Variants in SLC44A5 observed in about 807,000 individuals in gnomAD.
The protein encoded by SLC44A5 is solute carrier family 44 member 5.
In SLC44A5, 57 loss-of-function variants were observed where a neutral mutation model predicts 101.8. The ratio of observed to expected loss-of-function variants is 0.56; its 90% CI spans 0.45 to 0.70. The LOEUF (loss-of-function observed/expected upper bound fraction) is 0.70, where lower values mean the gene tolerates loss of function less well. Among genes scored for constraint, SLC44A5 ranks in the 30% least tolerant of loss-of-function variants. The pLI is 0.00. For synonymous variants in SLC44A5, 281 were observed against 290.9 expected (o/e 0.97, Z 0.35); for missense variants, 737 against 853.1 (o/e 0.86, Z 1.70).
Position 75,203,760 on chromosome 1 carries a change from GA to G in SLC44A5, c.2120del (p.Phe707SerfsTer79). The G allele has an allele frequency of 6.5e-7, 1 of 1,549,546 alleles. No individual in the cohort carries two copies. The highest frequency in any genetic ancestry group is 8.7e-7 in the Non-Finnish European group (1 of 1,146,004). The stretch of plus-strand genomic sequence containing the variant: ...TCCTAGTTTGTGGATTTTCCTCCTG[GA>G]AAATCTTCAGCAAAGGTTGACTCAC... ...YYVSQPLLKI[F>X]QEENPQTRKQ On this transcript the variant is annotated frameshift_variant, in exon 24 of 24. Coordinates refer to ENST00000370859, the MANE Select transcript of SLC44A5 (RefSeq NM_001130058.2). LOFTEE classifies it low-confidence loss of function (END_TRUNC).
At chr1:75,478,822 G>A (rs1396190827) in intron 2 of SLC44A5, among the ~76,000 whole-genome samples, 1 of 152,118 alleles carries the variant, frequency 6.6e-6, no homozygotes, top group African/African-American at 2.4e-5. Flanking sequence ...ACACCCCACT[G>A]TCAACATTAG....
At chr1:75,671,222 G>T in the SLC44A5 span, among the ~76,000 whole-genome samples, 1 of 152,078 alleles carries the variant, frequency 6.6e-6, no homozygotes, top group Non-Finnish European at 1.5e-5. Context: ...TTAACCTGTG[G>T]GAGCTCCATA....
intron 6 of SLC44A5, among the ~76,000 whole-genome samples, chr1:75,261,249 T>C (rs1217615412): frequency 6.6e-6 from 1 of 151,734 alleles, no homozygotes; most frequent in Non-Finnish European, 1.5e-5. Context: ...TTTTTTGAAA[T>C]GATGAACAAA....
intron 6 of SLC44A5, among the ~76,000 whole-genome samples, chr1:75,262,940 T>A (rs1444579181): frequency 6.6e-6 from 1 of 152,196 alleles, no homozygotes; most frequent in Non-Finnish European, 1.5e-5. Flanking sequence ...TGCAGAAAGC[T>A]GAAACTGGAT....
intron 1 of SLC44A5, among the ~76,000 whole-genome samples, chr1:75,586,937 T>A (rs982017165): frequency 6.6e-6 from 1 of 151,926 alleles, no homozygotes; most frequent in Non-Finnish European, 1.5e-5. Flanking sequence ...GATAACTCCA[T>A]GGGAAACTCT....
In SLC44A5 at chr1:75,573,510, T is replaced by C. The variant is rs1015270655; in HGVS notation, c.-69-31994A>G. On this transcript the variant is annotated intron_variant, in intron 1 of 23. Coordinates refer to ENST00000370859, the MANE Select transcript of SLC44A5 (RefSeq NM_001130058.2). ...TTTTTAACCACATAAATTTGTTATT[T>C]AAATAAAATTGCATGTTTATCAATG... 3.3e-5 allele frequency among the ~76,000 whole-genome samples: 5 copies of C among 152,336 alleles called. No individual in the cohort carries two copies. In the South Asian group the frequency reaches 8.3e-4, roughly 25 times the overall value.
At chr1:75,273,069 G>A (rs547281476) in intron 6 of SLC44A5, among the ~76,000 whole-genome samples, 30 of 151,314 alleles carry the variant, frequency 2.0e-4, no homozygotes, top group South Asian at 8.4e-4. Flanking sequence ...GCAGTGTTTC[G>A]TAGTTTTCCT....
At chr1:75,307,760 C>T (rs758428115) in intron 4 of SLC44A5, among the ~76,000 whole-genome samples, 1 of 152,098 alleles carries the variant, frequency 6.6e-6, no homozygotes, top group African/African-American at 2.4e-5. Context: ...TTGTTCTGTT[C>T]CCCAATCCAC....
chr1:75,326,119 T>C (rs1401328030), intron 4 of SLC44A5, among the ~76,000 whole-genome samples: 1 of 150,652 alleles, frequency 6.6e-6, no homozygotes, highest in Non-Finnish European at 1.5e-5. Flanking sequence ...TGTGTGTGTG[T>C]GTGTGTATAA....
At chr1:75,496,803 A>G (rs1459051761) in intron 2 of SLC44A5, among the ~76,000 whole-genome samples, 1 of 152,094 alleles carries the variant, frequency 6.6e-6, no homozygotes, top group African/African-American at 2.4e-5. Context: ...AAATAGCCCA[A>G]TTAAAAATAT....
At chr1:75,364,769 T>C (rs901403898) in intron 3 of SLC44A5, among the ~76,000 whole-genome samples, 6 of 152,190 alleles carry the variant, frequency 3.9e-5, no homozygotes, top group Non-Finnish European at 7.4e-5. Context: ...TTCTTCATTC[T>C]TTTTTATTCT....
intron 2 of SLC44A5, among the ~76,000 whole-genome samples, chr1:75,525,126 G>A (rs1219018611): frequency 3.3e-5 from 5 of 152,056 alleles, no homozygotes; most frequent in Admixed American, 1.3e-4. Flanking sequence ...GGCAAAGATC[G>A]TCAATGCATT....
intron 3 of SLC44A5, among the ~76,000 whole-genome samples, chr1:75,372,743 A>G (rs1660312331): frequency 6.6e-6 from 1 of 152,236 alleles, no homozygotes; most frequent in South Asian, 2.1e-4. Flanking sequence ...TAAAAGAATT[A>G]TATCTTCCTT....
intron 2 of SLC44A5, among the ~76,000 whole-genome samples, chr1:75,498,123 A>G (rs1668771046): frequency 6.6e-6 from 1 of 152,176 alleles, no homozygotes; most frequent in South Asian, 2.1e-4. Context: ...CAAAATTAAG[A>G]TTATGTATAC....
intron 23 of SLC44A5, among the ~76,000 whole-genome samples, chr1:75,209,305 A>G (rs1646807879): frequency 6.6e-6 from 1 of 152,300 alleles, no homozygotes; most frequent in African/African-American, 2.4e-5. Context: ...TCCTGAGACA[A>G]ATTTTCATAA....
At chr1:75,238,293 T>C (rs630710) in intron 10 of SLC44A5, among the ~76,000 whole-genome samples, 42 of 149,870 alleles carry the variant, frequency 2.8e-4, no homozygotes, top group African/African-American at 1.0e-3. Flanking sequence ...AAAAGCATCA[T>C]TATTCTTTCT....
At chr1:75,649,776 G>A in the SLC44A5 span, among the ~76,000 whole-genome samples, 1 of 152,094 alleles carries the variant, frequency 6.6e-6, no homozygotes, top group Non-Finnish European at 1.5e-5. Flanking sequence ...CTATGCCTGA[G>A]AAATCCCACA....
intron 4 of SLC44A5, among the ~76,000 whole-genome samples, chr1:75,302,774 A>T (rs759842606): frequency 2.8e-4 from 42 of 152,164 alleles, no homozygotes; most frequent in Admixed American, 1.1e-3. Flanking sequence ...ATACTGAGAC[A>T]GTTGATCTGA....
chr1:75,664,938 A>G, the SLC44A5 span, among the ~76,000 whole-genome samples: 11,542 of 151,460 alleles, frequency 0.076, 1,514 homozygotes, highest in African/African-American at 0.26. Flanking sequence ...AGAAAAAAAA[A>G]AAAAAAAGAA....
Sources: gnomAD v4.1 joint callset for allele counts (sites outside exome capture counted in the v4.1 genomes callset) on GRCh38, gnomAD v4.1.1 for gene constraint, MANE v1.5 for transcripts, NCBI Gene and HGNC (gene_info 2026-07-23, HGNC 2026-07-21) for gene names.